Variants in IMPG2 observed in about 807,000 individuals in gnomAD.
The protein encoded by IMPG2 is IPM 200.
In IMPG2, 91 loss-of-function variants were observed where a neutral mutation model predicts 129.2. The ratio of observed to expected loss-of-function variants is 0.70; its 90% CI spans 0.59 to 0.84. The LOEUF is 0.84. IMPG2 is among the 40% of genes least tolerant of loss of function. The pLI, the probability that IMPG2 is intolerant of heterozygous loss-of-function variation, is 0.00. For synonymous variants in IMPG2, 510 were observed against 517.7 expected (o/e 0.99, Z 0.20); for missense variants, 1,430 against 1,461.7 (o/e 0.98, Z 0.35).
At chr3:101,272,010 G>A (rs1187877439) in intron 7 of IMPG2, among the ~76,000 whole-genome samples, 1 of 151,982 alleles carries the variant, frequency 6.6e-6, no homozygotes, top group East Asian at 1.9e-4. Flanking sequence ...AACCCTCCCA[G>A]GCCCATCACA....
Position 101,226,970 on chromosome 3 carries a change from T to C in IMPG2, c.3725A>G (p.Ter1242=). 6.2e-7 allele frequency: 1 copy of C among 1,613,700 alleles called. No homozygotes were observed. Among genetic ancestry groups the C allele is most frequent in the Non-Finnish European group, 8.5e-7 (1 of 1,179,776 alleles). Residue 1242 remains the stop codon, a stop_retained_variant, in exon 19 of 19, where the codon TAA becomes TGA. Transcript: ENST00000193391. ...FVREQQVEEV[*] ...TCAGTTTCAGAACAGGAGTTTTGGT[T>C]AAACCTCTTCCCTGCCATGAAAACA...
rs182779514 is a variant in IMPG2, at chr3:101,257,925, T to C, written c.909-152A>G. The C allele has an allele frequency of 2.8e-4, 242 of 860,016 alleles. No individual in the cohort carries two copies. The African/African-American group carries it at 3.6e-3, about 13-fold the overall frequency. 53.3% of individuals were successfully genotyped at this position (860,016 alleles called of 1,614,324 possible). On this transcript the variant is annotated intron_variant, in intron 9 of 18. Coordinates refer to ENST00000193391, the MANE Select transcript of IMPG2 (RefSeq NM_016247.4). ...TTCTCTGAAAAGCCTGGACAACATT[T>C]TGCCATCCTCTCCTCCTTCCCAGAG...
intron 14 of IMPG2, among the ~76,000 whole-genome samples, chr3:101,238,713 A>G (rs530336855): frequency 1.6e-4 from 24 of 152,344 alleles, no homozygotes; most frequent in African/African-American, 4.8e-4. Flanking sequence ...AGAGCTCCTG[A>G]AGGAAGCACT....
Position 101,249,913 on chromosome 3 carries a change from T to TA in IMPG2, c.1239+3782dup, listed in dbSNP as rs1286457048. ...CTCTGTCTCTACGAAAAACATAAAA[T>TA]AAAAAAAAATAGCTGGGTGCCTTGG... On this transcript the variant is annotated intron_variant, in intron 11 of 18. Coordinates refer to ENST00000193391, the MANE Select transcript of IMPG2 (RefSeq NM_016247.4). Among the ~76,000 whole-genome samples, 79 of 149,966 alleles carry TA rather than the reference T, an allele frequency of 5.3e-4. 1 individual carries two copies. The highest frequency in any genetic ancestry group is 4.1e-3 in the Admixed American group (62 of 14,988).
chr3:101,236,646 A>G lies in IMPG2; in HGVS notation c.3023-3655T>C, dbSNP rs1576745082. On this transcript the variant is annotated intron_variant, in intron 14 of 18. Coordinates refer to ENST00000193391, the MANE Select transcript of IMPG2 (RefSeq NM_016247.4). ...AAGGGAAGCCATGAGGGACTGTGCC[A>G]TGAGGAACAGTGCATTCAGCCCAGA... 2.0e-5 allele frequency among the ~76,000 whole-genome samples: 3 copies of G among 152,256 alleles called. No individual in the cohort carries two copies. The South Asian group carries it at 6.2e-4, about 32-fold the overall frequency.
intron 9 of IMPG2, among the ~76,000 whole-genome samples, chr3:101,263,365 A>AC (rs1380545037): frequency 3.3e-5 from 5 of 152,034 alleles, no homozygotes; most frequent in African/African-American, 1.2e-4. Flanking sequence ...ATCTTACCTG[A>AC]CCACAATGGA....
rs77814667 is a variant in IMPG2, at chr3:101,267,444, A to G, written c.908+67T>C. On this transcript the variant is annotated intron_variant, in intron 9 of 18. Transcript: ENST00000193391. ...ATTTGAGTTATGCTCCCCTGGACCT[A>G]CGGCCTGCTATATTTACTAAACTGT... 1.3e-3 allele frequency: 1,759 copies of G among 1,311,820 alleles called. 16 individuals carry two copies. The African/African-American group carries it at 0.018, about 13-fold the overall frequency. The allele number at this position is 1,311,820 out of a possible 1,614,324, so 81.3% of individuals were successfully genotyped here. A position where few individuals can be genotyped will look rare whatever the true frequency, so the allele number is the denominator to read the frequency against.
In IMPG2 at chr3:101,232,885, C is replaced by T. The variant is rs768923991; in HGVS notation, c.3129G>A (p.Leu1043=). 4 of 1,613,948 alleles carry T rather than the reference C, an allele frequency of 2.5e-6. No individual in the cohort carries two copies. The highest frequency in any genetic ancestry group is 1.3e-5 in the African/African-American group (1 of 74,970). The stretch of plus-strand genomic sequence containing the variant: ...TCTGACAGGGCCGTTCTTCCACACT[C>T]AGGTATCCAGGGAAGCATCTGCACT... ...EAKCRCFPGY[L]SVEERPCQSL... is the part of the protein sequence containing the mutation. Residue 1043 remains leucine, a synonymous_variant, in exon 15 of 19, where the codon CTG becomes CTA. Transcript: ENST00000193391.
At chr3:101,256,201 GAAAGAAAGAAAGAAAGAAAA>G (rs1706604847) in intron 10 of IMPG2, among the ~76,000 whole-genome samples, 2 of 148,182 alleles carry the variant, frequency 1.3e-5, no homozygotes, top group African/African-American at 2.5e-5. Context: ...AAGAAAGAAA[GAAAGAAAGAAAGAAAGAAAA>G]AAATATCTTA....
chr3:101,296,070 T>C (rs547432444), intron 3 of IMPG2, among the ~76,000 whole-genome samples: 11 of 152,328 alleles, frequency 7.2e-5, no homozygotes, highest in Non-Finnish European at 1.2e-4. Flanking sequence ...TCTTGCCTGA[T>C]TGCCCTGGCC....
intron 4 of IMPG2, among the ~76,000 whole-genome samples, chr3:101,288,655 A>G (rs2107124230): frequency 6.6e-6 from 1 of 152,294 alleles, no homozygotes; most frequent in South Asian, 2.1e-4. Flanking sequence ...AACATTGAGC[A>G]TATATGGATA....
At chr3:101,274,030 C>T (rs990258749) in intron 6 of IMPG2, among the ~76,000 whole-genome samples, 7 of 152,014 alleles carry the variant, frequency 4.6e-5, no homozygotes, top group African/African-American at 1.7e-4. Flanking sequence ...CCCATCTCTA[C>T]TAAAAATACA....
intron 3 of IMPG2, among the ~76,000 whole-genome samples, chr3:101,295,587 T>A (rs1707070843): frequency 2.0e-5 from 3 of 152,218 alleles, no homozygotes; most frequent in African/African-American, 7.2e-5. Context: ...TTTTTCTAAT[T>A]CTGTGAAGAA....
chr3:101,295,673 G>A (rs1426690008), intron 3 of IMPG2, among the ~76,000 whole-genome samples: 1 of 152,118 alleles, frequency 6.6e-6, no homozygotes, highest in Non-Finnish European at 1.5e-5. Flanking sequence ...TCATGATATT[G>A]TTTCTTCCTA....
chr3:101,234,380 C>T lies in IMPG2; in HGVS notation c.3023-1389G>A, dbSNP rs184118242. 3.1e-3 allele frequency among the ~76,000 whole-genome samples: 466 copies of T among 152,024 alleles called. 6 individuals are homozygous for T. The highest frequency in any genetic ancestry group is 3.6e-3 in the Admixed American group (55 of 15,238). ...GGTAAGGAAAGAGTCTTCCCTAGATCTTTCAGAGGGAACAGGGCCTGGCCA... is the reference window on the plus strand; with the variant it reads ...GGTAAGGAAAGAGTCTTCCCTAGATTTTTCAGAGGGAACAGGGCCTGGCCA... On this transcript the variant is annotated intron_variant, in intron 14 of 18. Coordinates refer to ENST00000193391, the MANE Select transcript of IMPG2 (RefSeq NM_016247.4).
At chr3:101,302,772 T>C (rs1376420904) in intron 3 of IMPG2, among the ~76,000 whole-genome samples, 1 of 152,172 alleles carries the variant, frequency 6.6e-6, no homozygotes, top group Non-Finnish European at 1.5e-5. Flanking sequence ...AAAAAACACA[T>C]GCAATACGTT....
chr3:101,308,720 T>C (rs961801611), intron 2 of IMPG2, among the ~76,000 whole-genome samples: 3 of 152,272 alleles, frequency 2.0e-5, no homozygotes, highest in African/African-American at 7.2e-5. Flanking sequence ...TTACTACTTA[T>C]GCAAATTTCT....
chr3:101,280,932 G>C (rs1272195090), intron 4 of IMPG2, among the ~76,000 whole-genome samples: 1 of 150,680 alleles, frequency 6.6e-6, no homozygotes, highest in Non-Finnish European at 1.5e-5. Context: ...CTGGGTGACA[G>C]AGCGAGACTG....
At chr3:101,256,137 AAAG>A in intron 10 of IMPG2, among the ~76,000 whole-genome samples, 1 of 139,588 alleles carries the variant, frequency 7.2e-6, no homozygotes, top group Non-Finnish European at 1.5e-5. Context: ...AGAAAGAAAG[AAAG>A]AAAGAAAAGA....
Sources: gnomAD v4.1 joint callset for allele counts (sites outside exome capture counted in the v4.1 genomes callset) on GRCh38, gnomAD v4.1.1 for gene constraint, MANE v1.5 for transcripts, NCBI Gene and HGNC (gene_info 2026-07-23, HGNC 2026-07-21) for gene names.